The following WNT2B variants were observed in gnomAD, a reference collection of about 807,000 sequenced individuals.
WNT2B encodes protein Wnt-2b.
WNT2B carries 19 observed loss-of-function variants against 40.5 expected under a neutral mutation model. That is an observed-to-expected ratio of 0.47 (90% CI 0.33 to 0.69). WNT2B has a LOEUF of 0.69. Among genes scored for constraint, WNT2B ranks in the 30% least tolerant of loss-of-function variants. The pLI is 0.02. For missense variants in WNT2B, 467 were observed against 556.4 expected (o/e 0.84, Z 1.62); for synonymous variants, 220 against 211.9 (o/e 1.04, Z -0.33).
rs1652483138 is a variant in WNT2B, at chr1:112,515,182, C to G, written c.403+88C>G. 1 of 1,386,854 alleles carries G rather than the reference C, an allele frequency of 7.2e-7. No homozygotes were observed. The highest frequency in any genetic ancestry group is 1.3e-5 in the South Asian group (1 of 79,694). The allele number at this position is 1,386,854 out of a possible 1,614,324, so 85.9% of individuals were successfully genotyped here. A position where few individuals can be genotyped will look rare whatever the true frequency, so the allele number is the denominator to read the frequency against. On this transcript the variant is annotated intron_variant, in intron 2 of 4. Transcript: ENST00000369684. The surrounding 1 kb of genome is among the most constrained non-coding windows in gnomAD (Gnocchi z 4.4). ...AAGAGTAGGCAAGATCTCCCCTCTC[C>G]TCTCCCACACACTGTTTCATCATCA...
At chr1:112,491,031 G>A (rs957113810) in intron 1 of WNT2B, 27 of 1,613,886 alleles carry the variant, frequency 1.7e-5, no homozygotes, top group African/African-American at 9.4e-5. Context: ...CCTTGAGGAC[G>A]GCAGTACCTG....
upstream of WNT2B, chr1:112,508,695 C>G (rs564514638): frequency 9.1e-6 from 9 of 985,162 alleles, no homozygotes; most frequent in African/African-American, 1.6e-4. The surrounding 1 kb of genome is among the most constrained non-coding windows in gnomAD (Gnocchi z 4.2). Context: ...GTGAAGGGCG[C>G]TAGGACCCGG....
At chr1:112,468,243 T>C (rs1280004070) in intron 1 of WNT2B, among the ~76,000 whole-genome samples, 1 of 152,234 alleles carries the variant, frequency 6.6e-6, no homozygotes, top group Non-Finnish European at 1.5e-5. Flanking sequence ...TTTGCTGTCA[T>C]GAGTCGTGCT....
chr1:112,510,184 A>C (rs1652299900), intron 1 of WNT2B, among the ~76,000 whole-genome samples: 1 of 151,704 alleles, frequency 6.6e-6, no homozygotes, highest in African/African-American at 2.4e-5. Context: ...GACTCCAGAC[A>C]CTTCACAAGA....
At chr1:112,483,495 A>G (rs557858699) in intron 1 of WNT2B, among the ~76,000 whole-genome samples, 1 of 152,324 alleles carries the variant, frequency 6.6e-6, no homozygotes, top group East Asian at 1.9e-4. Context: ...TTACAGATCT[A>G]AGCTTAAAAG....
intron 1 of WNT2B, among the ~76,000 whole-genome samples, chr1:112,495,418 A>T (rs1308607548): frequency 6.6e-6 from 1 of 151,954 alleles, no homozygotes; most frequent in East Asian, 1.9e-4. Flanking sequence ...TCTACTAAAA[A>T]TACAAAAAAA....
rs1394552027 is a variant in WNT2B at position 112,521,998 on chromosome 1, A to G, written c.*1489A>G. 6.6e-6 allele frequency: 1 copy of G among 152,200 alleles called. No homozygotes were observed. The highest frequency in any genetic ancestry group is 6.5e-5 in the Admixed American group (1 of 15,276). The allele number at this position is 152,200 out of a possible 1,614,324, so 9.4% of individuals were successfully genotyped here. ...TCTGAGCTTCTATTTTCTCATCTGT[A>G]AAATGAGGATACGTACCTGTTCTTT... On this transcript the variant is annotated 3_prime_UTR_variant, in exon 5 of 5. Transcript: ENST00000369684.
At chr1:112,513,014 A>G (rs1570792460) in intron 1 of WNT2B, among the ~76,000 whole-genome samples, 1 of 152,224 alleles carries the variant, frequency 6.6e-6, no homozygotes, top group Non-Finnish European at 1.5e-5. Flanking sequence ...TCAGACCACA[A>G]GAAGGACTTG....
rs1263862497 is a variant in WNT2B, at chr1:112,528,627, G to A, written c.*8118G>A. The A allele has an allele frequency of 6.6e-6, 1 of 152,188 alleles. No individual in the cohort carries two copies. The highest frequency in any genetic ancestry group is 1.5e-5 in the Non-Finnish European group (1 of 68,032). The allele number at this position is 152,188 out of a possible 1,614,324, so 9.4% of individuals were successfully genotyped here. ...TCCAGTACTGTGATACATTAATGTAGGCTTACAGGCCCAGAACCTGGCATA... is the reference window on the plus strand; with the variant it reads ...TCCAGTACTGTGATACATTAATGTAAGCTTACAGGCCCAGAACCTGGCATA... On this transcript the variant is annotated 3_prime_UTR_variant, in exon 5 of 5. Transcript: ENST00000369684.
intron 1 of WNT2B, among the ~76,000 whole-genome samples, chr1:112,481,150 CAA>C (rs71875205): frequency 0.069 from 10,025 of 145,862 alleles, 384 homozygotes; most frequent in African/African-American, 0.12. Flanking sequence ...GCCTGGGCAA[CAA>C]GAGCAAAATT....
intron 1 of WNT2B, among the ~76,000 whole-genome samples, chr1:112,492,759 G>C (rs1362252878): frequency 6.6e-6 from 1 of 152,114 alleles, no homozygotes; most frequent in East Asian, 1.9e-4. Flanking sequence ...TTACATTGGG[G>C]AAGGGAATAT....
intron 1 of WNT2B, chr1:112,490,896 C>T: frequency 2.0e-6 from 2 of 1,022,980 alleles, no homozygotes; most frequent in South Asian, 2.9e-5. Flanking sequence ...GGAAAGATCC[C>T]CCCTGGATTC....
At chr1:112,516,012 G>T (rs1570795694) in intron 2 of WNT2B, 128 bp from the exon 3 acceptor site, 2 of 1,213,424 alleles carry the variant, frequency 1.6e-6, no homozygotes, top group South Asian at 1.5e-5. Context: ...TTGAATAAAG[G>T]GGGTGTAGGG....
At chr1:112,481,771 G>A (rs532912653) in intron 1 of WNT2B, among the ~76,000 whole-genome samples, 7 of 152,292 alleles carry the variant, frequency 4.6e-5, no homozygotes, top group African/African-American at 1.4e-4. Context: ...AGCACTTTGG[G>A]AGGCCAGGTC....
At chr1:112,482,250 T>C (rs1032291140) in intron 1 of WNT2B, among the ~76,000 whole-genome samples, 3 of 151,670 alleles carry the variant, frequency 2.0e-5, no homozygotes, top group African/African-American at 7.3e-5. Context: ...ACCCGAGAGG[T>C]CAAGGCTGCA....
intron 1 of WNT2B, among the ~76,000 whole-genome samples, chr1:112,484,280 T>TAC (rs746364845): frequency 4.6e-5 from 6 of 129,692 alleles, no homozygotes; most frequent in African/African-American, 1.5e-4. Flanking sequence ...CACATATATA[T>TAC]ATATATATAT....
intron 1 of WNT2B, among the ~76,000 whole-genome samples, chr1:112,500,036 T>C (rs2101072824): frequency 6.6e-6 from 1 of 152,202 alleles, no homozygotes; most frequent in African/African-American, 2.4e-5. Context: ...AAAGCGAGGG[T>C]ATGACGACAG....
intron 1 of WNT2B, among the ~76,000 whole-genome samples, chr1:112,510,853 T>C (rs1652326080): frequency 6.6e-6 from 1 of 152,086 alleles, no homozygotes; most frequent in Non-Finnish European, 1.5e-5. Flanking sequence ...CCTTTCAAAG[T>C]TCTGAGTGAG....
At chr1:112,485,167 T>C (rs1759694) in intron 1 of WNT2B, among the ~76,000 whole-genome samples, 26,671 of 152,240 alleles carry the variant, frequency 0.18, 2,567 homozygotes, top group East Asian at 0.38. Flanking sequence ...TATAAAGTTA[T>C]AGTCGTCAGG....
Sources: gnomAD v4.1 joint callset for allele counts (sites outside exome capture counted in the v4.1 genomes callset) on GRCh38, gnomAD v4.1.1 for gene constraint, Gnocchi (gnomAD v3.1) non-coding constraint, MANE v1.5 for transcripts, NCBI Gene and HGNC (gene_info 2026-07-23, HGNC 2026-07-21) for gene names.